Variants in HPS1 observed in about 807,000 individuals in gnomAD.
HPS1 encodes BLOC-3 complex member HPS1.
In HPS1, 59 loss-of-function variants were observed where a neutral mutation model predicts 90.6. That is an observed-to-expected ratio of 0.65 (90% confidence interval 0.53 to 0.81). The LOEUF (loss-of-function observed/expected upper bound fraction) is 0.81. Ranked by LOEUF, HPS1 falls within the 30% of genes least tolerant of loss-of-function variation. The pLI, the probability that HPS1 is intolerant of heterozygous loss-of-function variation, is 0.00. For synonymous variants in HPS1, 388 were observed against 384.4 expected (o/e 1.01, Z -0.11); for missense variants, 849 against 896.7 (o/e 0.95, Z 0.68).
At chr10:98,431,424 GACTAAGACCC>G in intron 6 of HPS1, 133 bp from the exon 7 acceptor site, 1 of 936,928 alleles carries the variant, frequency 1.1e-6, no homozygotes, top group Non-Finnish European at 1.6e-6. Context: ...GAAACAGGGG[GACTAAGACCC>G]ACCAGGTCCC....
intron 10 of HPS1, 107 bp downstream of exon 10, chr10:98,429,466 C>T (rs903083838): frequency 1.8e-5 from 28 of 1,592,620 alleles, no homozygotes; most frequent in Non-Finnish European, 2.1e-5. Flanking sequence ...TACCTGCACT[C>T]AAGCCTTAGG....
chr10:98,434,706 T>A (rs1017443541), intron 5 of HPS1, among the ~76,000 whole-genome samples: 2 of 151,994 alleles, frequency 1.3e-5, no homozygotes, highest in Admixed American at 1.3e-4. Flanking sequence ...TACTACGAAC[T>A]TCTCTTTTCT....
chr10:98,418,187 C>T lies in HPS1; in HGVS notation c.1928G>A (p.Gly643Glu), dbSNP rs148225281. Residue 643 changes from glycine (G) to glutamate (E), a missense_variant, in exon 19 of 20, where the codon GGA becomes GAA. Transcript: ENST00000361490. Reference sequence around the variant, plus strand: ...AACGCAGCGTCACCTGTAGTAGTCTCCTCCCAGCATGCCGATAGGCACTGA... The same window carrying T: ...AACGCAGCGTCACCTGTAGTAGTCTTCTCCCAGCATGCCGATAGGCACTGA... ...DDSVPIGMLG[G>E]DYYRKLLRYY... 468 of 1,606,984 alleles carry T rather than the reference C, an allele frequency of 2.9e-4. No homozygotes were observed. Among genetic ancestry groups the T allele is most frequent in the Middle Eastern group, 1.8e-3 (11 of 6,032 alleles).
At chr10:98,434,224 A>G in intron 5 of HPS1, 133 bp from the exon 6 acceptor site, 1 of 893,954 alleles carries the variant, frequency 1.1e-6, no homozygotes. Context: ...ACAGCTGGGA[A>G]AGGGGGCCAG....
chr10:98,429,231 A>G, intron 10 of HPS1: 1 of 1,083,364 alleles, frequency 9.2e-7, no homozygotes, highest in South Asian at 2.0e-5. Context: ...TATATTTTAG[A>G]ATGTATAGAA....
Position 98,425,883 on chromosome 10 carries a change from G to A in HPS1, c.1090C>T (p.Leu364=). The A allele has an allele frequency of 1.9e-6, 3 of 1,614,148 alleles. No homozygotes were observed. Among genetic ancestry groups the A allele is most frequent in the Non-Finnish European group, 2.5e-6 (3 of 1,180,002 alleles). The change falls in exon 12 of 20, where the codon CTA becomes TTA. Residue 364 remains leucine, a synonymous_variant. Transcript: ENST00000361490. ...DANVKESYCP[L]VPHTMYCLPL... is the part of the protein sequence containing the mutation. ...AGGCAGTACATGGTGTGGGGCACTA[G>A]GGGGCAGTAGCTTTCCTTCACGTTG...
In HPS1 at chr10:98,417,828, G is replaced by A; in HGVS notation, c.1941-102C>T. ...TCGCAAGCAAATGCCCATGCCCTCG[G>A]TCATCTCACTAGGCCCCTGCATGTG... On this transcript the variant is annotated intron_variant, in intron 19 of 19. Coordinates refer to ENST00000361490, the MANE Select transcript of HPS1 (RefSeq NM_000195.5). This position sits in a 1 kb window ranked among gnomAD's most constrained non-coding sequence, Gnocchi z 4.2. The A allele has an allele frequency of 1.8e-6, 2 of 1,117,422 alleles. No homozygotes were observed. Among genetic ancestry groups the A allele is most frequent in the South Asian group, 2.7e-5 (2 of 74,504 alleles). 69.2% of individuals were successfully genotyped at this position (1,117,422 alleles called of 1,614,324 possible).
At chr10:98,418,696 C>G (rs1844451349) in intron 18 of HPS1, among the ~76,000 whole-genome samples, 1 of 152,246 alleles carries the variant, frequency 6.6e-6, no homozygotes, top group Non-Finnish European at 1.5e-5. Context: ...TGGCACTTAG[C>G]TGATGCTTGC....
intron 11 of HPS1, 32 bp from the exon 12 acceptor site, chr10:98,426,017 G>A (rs1309868646): frequency 6.2e-7 from 1 of 1,607,852 alleles, no homozygotes; most frequent in African/African-American, 1.3e-5. Flanking sequence ...AGTGAGAGGT[G>A]GGATCCCTAA....
chr10:98,443,883 A>T (rs1938933786), intron 2 of HPS1, among the ~76,000 whole-genome samples: 1 of 152,114 alleles, frequency 6.6e-6, no homozygotes, highest in Admixed American at 6.5e-5. Flanking sequence ...AAATACAAAA[A>T]TTAGCCAGGC....
chr10:98,435,557 G>T lies in HPS1; in HGVS notation c.255+78C>A. The T allele has an allele frequency of 6.2e-7, 1 of 1,609,646 alleles. No individual in the cohort carries two copies. The highest frequency in any genetic ancestry group is 8.5e-7 in the Non-Finnish European group (1 of 1,176,260). On this transcript the variant is annotated intron_variant, in intron 4 of 19. Coordinates refer to ENST00000361490, the MANE Select transcript of HPS1 (RefSeq NM_000195.5). The surrounding 1 kb of genome is among the most constrained non-coding windows in gnomAD (Gnocchi z 4.3). ...TTTCTGCCTTCTAAAGGAGTCTAAA[G>T]TTCCAAATAAGAGAGGCCTGTGGAC...
chr10:98,443,567 G>T (rs1256299027), intron 2 of HPS1, among the ~76,000 whole-genome samples: 1 of 152,158 alleles, frequency 6.6e-6, no homozygotes, highest in South Asian at 2.1e-4. Context: ...CCCACCACGG[G>T]GCCTACTGGA....
chr10:98,422,437 G>A lies in HPS1; in HGVS notation c.1675C>T (p.Leu559Phe), dbSNP rs895467107. The A allele has an allele frequency of 6.2e-7, 1 of 1,614,128 alleles. No homozygotes were observed. The highest frequency in any genetic ancestry group is 2.2e-5 in the East Asian group (1 of 44,878). Reference sequence around the variant, plus strand: ...GACGAGGTCTTTTGACTGCAGTTGAGGGAAGGCGCCACCATCTGCCCAGTG... The same window carrying A: ...GACGAGGTCTTTTGACTGCAGTTGAAGGAAGGCGCCACCATCTGCCCAGTG... ...RTTGQMVAPSLNCSQKTSSEL... is the reference protein window; with the variant it reads ...RTTGQMVAPSFNCSQKTSSEL... Residue 559 changes from leucine to phenylalanine, a missense_variant, in exon 17 of 20, where the codon CTC becomes TTC. Coordinates refer to ENST00000361490, the MANE Select transcript of HPS1 (RefSeq NM_000195.5).
rs372058174 is a variant in HPS1 at position 98,429,656 on chromosome 10, G to A, written c.868-14C>T. The stretch of plus-strand genomic sequence containing the variant: ...GCTGTCTGTCTCCTGGAATGGAGAA[G>A]GTGGCTCAGGTTGAGAGGCTCTCCC... On this transcript the variant is annotated splice_polypyrimidine_tract_variant and intron_variant, in intron 9 of 19. Coordinates refer to ENST00000361490, the MANE Select transcript of HPS1 (RefSeq NM_000195.5). 3.1e-6 allele frequency: 5 copies of A among 1,614,052 alleles called. No individual in the cohort carries two copies. In the African/African-American group the frequency reaches 6.7e-5, roughly 22 times the overall value.
At chr10:98,423,060 AGAGAT>A (rs1188060451) in intron 16 of HPS1, among the ~76,000 whole-genome samples, 1 of 152,264 alleles carries the variant, frequency 6.6e-6, no homozygotes, top group East Asian at 1.9e-4. Context: ...TGGACATTTC[AGAGAT>A]GATATGGGAA....
Position 98,417,691 on chromosome 10 carries a change from G to C in HPS1, c.1976C>G (p.Thr659Ser), listed in dbSNP as rs757025808. The C allele has an allele frequency of 6.2e-7, 1 of 1,613,936 alleles. No homozygotes were observed. Among genetic ancestry groups the C allele is most frequent in the Non-Finnish European group, 8.5e-7 (1 of 1,179,968 alleles). Reference protein sequence around the residue: ...LLRYYSKNRPTEAVRCYELLA... With the variant: ...LLRYYSKNRPSEAVRCYELLA... ...CAGCTCGTAGCACCTGACAGCCTCG[G>C]TTGGGCGGTTCTTGCTGTAGTAGCG... The change falls in exon 20 of 20, where the codon ACC (threonine) becomes AGC (serine). Residue 659 changes from threonine (T) to serine (S), a missense_variant. Physicochemically the swap from Thr to Ser is moderately conservative, Grantham distance 58. Transcript: ENST00000361490. This position sits in a 1 kb window ranked among gnomAD's most constrained non-coding sequence, Gnocchi z 4.2.
In HPS1 at chr10:98,431,131, C is replaced by A; in HGVS notation, c.668G>T (p.Ser223Ile). Residue 223 changes from serine (S) to isoleucine (I), a missense_variant and splice_region_variant, in exon 7 of 20, where the codon AGC (serine) becomes ATC (isoleucine). Coordinates refer to ENST00000361490, the MANE Select transcript of HPS1 (RefSeq NM_000195.5). ...ACCACATGCCAGACCTTGAGCTCACCTAGAGTAGAATGCCAGCAGCTTGGA... is the reference window on the plus strand; with the variant it reads ...ACCACATGCCAGACCTTGAGCTCACATAGAGTAGAATGCCAGCAGCTTGGA... ...VHSKLLAFYS[S>I]HSASSLRPAD... 3 of 1,614,026 alleles carry A rather than the reference C, an allele frequency of 1.9e-6. No individual in the cohort carries two copies. The highest frequency in any genetic ancestry group is 2.5e-6 in the Non-Finnish European group (3 of 1,179,954).
Position 98,416,439 on chromosome 10 carries a change from A to T in HPS1, c.*1125T>A, listed in dbSNP as rs1329489970. On this transcript the variant is annotated 3_prime_UTR_variant, in exon 20 of 20. Transcript: ENST00000361490. Reference sequence around the variant, plus strand: ...CCATCAGATGATGTTAAGGAGGAACACAGATCCAGTCACCTGAGGGGATAC... The same window carrying T: ...CCATCAGATGATGTTAAGGAGGAACTCAGATCCAGTCACCTGAGGGGATAC... 6.6e-6 allele frequency: 1 copy of T among 152,358 alleles called. No homozygotes were observed. Among genetic ancestry groups the T allele is most frequent in the Non-Finnish European group, 1.5e-5 (1 of 68,036 alleles). The allele number at this position is 152,358 out of a possible 1,614,324, so 9.4% of individuals were successfully genotyped here. A position where few individuals can be genotyped will look rare whatever the true frequency, so the allele number is the denominator to read the frequency against.
downstream of HPS1, among the ~76,000 whole-genome samples, chr10:98,415,673 G>T (rs569114665): frequency 6.6e-6 from 1 of 152,244 alleles, no homozygotes; most frequent in Non-Finnish European, 1.5e-5. Context: ...CGCCCAGGGC[G>T]GCCATCTAGC....
Sources: allele counts gnomAD v4.1 joint callset (sites outside exome capture counted in the v4.1 genomes callset), GRCh38; gene constraint gnomAD v4.1.1; non-coding constraint Gnocchi (gnomAD v3.1); transcripts MANE v1.5; gene names NCBI Gene and HGNC (gene_info 2026-07-23, HGNC 2026-07-21).